The following DIS3L2 variants were observed in gnomAD, a reference collection of about 807,000 sequenced individuals.
The protein encoded by DIS3L2 is DIS3-like exonuclease 2.
DIS3L2 carries 34 observed loss-of-function variants against 97.5 expected under a neutral mutation model. The ratio of observed to expected loss-of-function variants is 0.35; its 90% CI spans 0.27 to 0.46. The LOEUF (loss-of-function observed/expected upper bound fraction) is 0.46, where lower values mean the gene tolerates loss of function less well. Among genes scored for constraint, DIS3L2 ranks in the 20% least tolerant of loss-of-function variants. The pLI is 1.00. For synonymous variants in DIS3L2, 435 were observed against 445.2 expected (o/e 0.98, Z 0.29); for missense variants, 1,038 against 1,146.0 (o/e 0.91, Z 1.36).
At chr2:231,988,861 A>G (rs1559519114) in intron 1 of DIS3L2, among the ~76,000 whole-genome samples, 1 of 152,246 alleles carries the variant, frequency 6.6e-6, no homozygotes, top group African/African-American at 2.4e-5. Context: ...TGTAAAATAA[A>G]AACAAGTTTT....
At chr2:232,321,478 C>T (rs533042626) in intron 14 of DIS3L2, among the ~76,000 whole-genome samples, 126 of 152,242 alleles carry the variant, frequency 8.3e-4, no homozygotes, top group East Asian at 3.1e-3. Context: ...GGGGCAGGGG[C>T]CTTCCGCATC....
intron 12 of DIS3L2, among the ~76,000 whole-genome samples, chr2:232,254,391 T>C (rs990082584): frequency 6.6e-6 from 1 of 152,096 alleles, no homozygotes; most frequent in African/African-American, 2.4e-5. Flanking sequence ...AAAAAATGAA[T>C]GGAAAAAGAC....
At chr2:232,005,352 T>C (rs1375674748) in intron 1 of DIS3L2, among the ~76,000 whole-genome samples, 1 of 152,144 alleles carries the variant, frequency 6.6e-6, no homozygotes, top group African/African-American at 2.4e-5. Context: ...TCTACATGGC[T>C]AAGGGGTCAG....
rs1695956148 is a variant in DIS3L2, at chr2:232,336,550, C to T, written c.2578C>T (p.Pro860Ser). 1 of 1,609,864 alleles carries T rather than the reference C, an allele frequency of 6.2e-7. No homozygotes were observed. Among genetic ancestry groups the T allele is most frequent in the East Asian group, 2.2e-5 (1 of 44,858 alleles). Residue 860 changes from proline to serine, a missense_variant, in exon 21 of 21, where the codon CCA (proline) becomes TCA (serine). Transcript: ENST00000325385. The stretch of plus-strand genomic sequence containing the variant: ...CAAGTACAGCGCCATCCTGAAGCGG[C>T]CAGGCACCCAGGGCCACCTGGGCCC... ...ALKYSAILKR[P>S]GTQGHLGPEK...
At chr2:232,249,459 A>G (rs1470235094) in intron 12 of DIS3L2, 113 bp downstream of exon 12, 7 of 1,120,210 alleles carry the variant, frequency 6.2e-6, no homozygotes, top group Non-Finnish European at 7.8e-6. Flanking sequence ...AAGACAAGGG[A>G]GGTATGGAGT....
At chr2:232,096,822 CTT>C (rs1291820655) in intron 6 of DIS3L2, among the ~76,000 whole-genome samples, 1 of 151,824 alleles carries the variant, frequency 6.6e-6, no homozygotes, top group Non-Finnish European at 1.5e-5. Context: ...TTCTGAATTC[CTT>C]TTCTATTATC....
At chr2:232,189,178 A>G (rs909322503) in intron 9 of DIS3L2, among the ~76,000 whole-genome samples, 1 of 150,424 alleles carries the variant, frequency 6.6e-6, no homozygotes, top group African/African-American at 2.4e-5. Context: ...ACACTTTGGC[A>G]GTTTCTTAAA....
At chr2:232,077,960 TCTTTC>T (rs1266346249) in intron 5 of DIS3L2, among the ~76,000 whole-genome samples, 1 of 31,326 alleles carries the variant, frequency 3.2e-5, no homozygotes, top group Non-Finnish European at 6.7e-5. Flanking sequence ...TCTTTCTCTT[TCTTTC>T]TTTCTTTCTT....
In DIS3L2 at chr2:232,333,836, G is replaced by C. The variant is rs767597086; in HGVS notation, c.2011-4G>C. The C allele has an allele frequency of 6.2e-7, 1 of 1,608,034 alleles. No individual in the cohort carries two copies. The highest frequency in any genetic ancestry group is 8.5e-7 in the Non-Finnish European group (1 of 1,177,630). Reference sequence around the variant, plus strand: ...GTCAGGCTCTGACCCATCCCGTCCCGCAGATGGCACTGTACTTCTGCTCGG... The same window carrying C: ...GTCAGGCTCTGACCCATCCCGTCCCCCAGATGGCACTGTACTTCTGCTCGG... On this transcript the variant is annotated splice_region_variant and splice_polypyrimidine_tract_variant and intron_variant, in intron 16 of 20. Transcript: ENST00000325385.
At chr2:231,977,124 A>G (rs1022701821) in intron 1 of DIS3L2, among the ~76,000 whole-genome samples, 1 of 152,288 alleles carries the variant, frequency 6.6e-6, no homozygotes, top group Admixed American at 6.5e-5. Context: ...TAAATACTGC[A>G]CTGAAAGTGA....
chr2:231,971,245 G>C (rs939186396), intron 1 of DIS3L2, among the ~76,000 whole-genome samples: 1 of 151,386 alleles, frequency 6.6e-6, no homozygotes, highest in Non-Finnish European at 1.5e-5. Context: ...GTGTGTTGTC[G>C]GGGTTTGGTG....
chr2:232,035,890 C>A (rs796694083), intron 5 of DIS3L2, among the ~76,000 whole-genome samples: 1 of 152,188 alleles, frequency 6.6e-6, no homozygotes, highest in Non-Finnish European at 1.5e-5. Flanking sequence ...GATGGGCTTC[C>A]CTTTGTGGGT....
At chr2:232,000,774 C>T (rs1222645369) in intron 1 of DIS3L2, among the ~76,000 whole-genome samples, 1 of 143,436 alleles carries the variant, frequency 7.0e-6, no homozygotes, top group Non-Finnish European at 1.5e-5. Context: ...ATGTTGTTGC[C>T]CAGGCTGGTC....
Position 232,334,372 on chromosome 2 carries a change from A to G in DIS3L2, c.2162A>G (p.Tyr721Cys), listed in dbSNP as rs371864654. 1.2e-4 allele frequency: 190 copies of G among 1,612,928 alleles called. No homozygotes were observed. Among genetic ancestry groups the G allele is most frequent in the Non-Finnish European group, 1.5e-4 (173 of 1,179,814 alleles). The part of the protein sequence containing the change: ...VHRLLAAALG[Y>C]RERLDMAPDT... ...ATGCCTCACCCCCTCTTCCCAGGCTATAGGGAGCGACTAGACATGGCGCCC... is the reference window on the plus strand; with the variant it reads ...ATGCCTCACCCCCTCTTCCCAGGCTGTAGGGAGCGACTAGACATGGCGCCC... Residue 721 changes from tyrosine (Y) to cysteine (C), a missense_variant, in exon 18 of 21, where the codon TAT becomes TGT. By Grantham distance (194) the Tyr-to-Cys change is radical. Transcript: ENST00000325385.
chr2:232,119,423 A>T (rs954390674), intron 6 of DIS3L2, among the ~76,000 whole-genome samples: 2 of 152,340 alleles, frequency 1.3e-5, no homozygotes, highest in South Asian at 4.1e-4. Context: ...CTCTTTCAGA[A>T]AAATTCAGAT....
intron 16 of DIS3L2, among the ~76,000 whole-genome samples, chr2:232,332,764 C>G (rs1695777650): frequency 6.6e-6 from 1 of 152,212 alleles, no homozygotes; most frequent in African/African-American, 2.4e-5. Context: ...AACTGCCTCC[C>G]TTGACTGCTG....
chr2:232,194,386 T>C (rs934007070), intron 9 of DIS3L2, among the ~76,000 whole-genome samples: 2 of 152,106 alleles, frequency 1.3e-5, no homozygotes, highest in African/African-American at 4.8e-5. Context: ...GAAAATACTG[T>C]GAATCTACAA....
intron 1 of DIS3L2, among the ~76,000 whole-genome samples, chr2:231,965,773 TG>T (rs1385811462): frequency 2.6e-5 from 4 of 152,164 alleles, no homozygotes; most frequent in African/African-American, 4.8e-5. Flanking sequence ...ATCACTGAAA[TG>T]ACATTTTAAC....
chr2:232,334,793 G>C, intron 19 of DIS3L2, 58 bp downstream of exon 19: 1 of 1,475,014 alleles, frequency 6.8e-7, no homozygotes, highest in South Asian at 1.2e-5. Flanking sequence ...TCCCGCACTG[G>C]AGGGGCACAG....
Sources: allele counts gnomAD v4.1 joint callset (sites outside exome capture counted in the v4.1 genomes callset), GRCh38; gene constraint gnomAD v4.1.1; transcripts MANE v1.5; gene names NCBI Gene and HGNC (gene_info 2026-07-23, HGNC 2026-07-21).